Variants in APOC1 observed in about 807,000 individuals in gnomAD.
APOC1 encodes apolipoprotein C-I.
A neutral mutation model predicts 6.7 loss-of-function variants in APOC1; 4 were observed. The observed-to-expected ratio is 0.60, with a 90% confidence interval of 0.29 to 1.37. The LOEUF (loss-of-function observed/expected upper bound fraction) is 1.37. APOC1 is among the 40% of genes most tolerant of loss of function. APOC1 has a pLI of 0.09. For synonymous variants in APOC1, 33 were observed against 40.6 expected, an observed-to-expected ratio of 0.81 and a Z score of 0.72; for missense variants, 122 against 99.4, an observed-to-expected ratio of 1.23 and a Z score of -0.97.
At chr19:44,918,337 CTTTTTTT>C (rs1200008263) in intron 3 of APOC1, among the ~76,000 whole-genome samples, 2 of 90,332 alleles carry the variant, frequency 2.2e-5, no homozygotes, top group Non-Finnish European at 4.0e-5. Flanking sequence ...TGAAGTGTTT[CTTTTTTT>C]TTTTTTTTTT....
chr19:44,916,223 C>G lies in APOC1; in HGVS notation c.92C>G (p.Ser31Cys). ...PAPAQGTPDV[S>C]SALDKLKEFG... ...CCAGCCCAGGGGACCCCAGACGTCT[C>G]CAGTGCCTTGGATAAGCTGAAGGAG... Residue 31 changes from serine to cysteine, a missense_variant, in exon 3 of 4, where the codon TCC becomes TGC. Coordinates refer to ENST00000592535, the MANE Select transcript of APOC1 (RefSeq NM_001645.5). 6.2e-7 allele frequency: 1 copy of G among 1,613,200 alleles called. No individual in the cohort carries two copies. Among genetic ancestry groups the G allele is most frequent in the Non-Finnish European group, 8.5e-7 (1 of 1,179,790 alleles).
chr19:44,916,141 A>AAAAAAAAC (rs757685130), intron 2 of APOC1, 49 bp from the exon 3 acceptor site: 7 of 1,407,470 alleles, frequency 5.0e-6, no homozygotes, highest in East Asian at 5.3e-5. Flanking sequence ...CATCTCCAAA[A>AAAAAAAAC]AAAAAAAAAA....
At chr19:44,915,545 GCCTCGACCTC>G (rs1220971659) in intron 2 of APOC1, among the ~76,000 whole-genome samples, 1 of 150,918 alleles carries the variant, frequency 6.6e-6, no homozygotes, top group Non-Finnish European at 1.5e-5. Flanking sequence ...TGATCCGCCT[GCCTCGACCTC>G]CCAAAGTGCT....
intron 2 of APOC1, 102 bp downstream of exon 2, chr19:44,915,051 C>T (rs1386118872): frequency 6.7e-6 from 9 of 1,343,512 alleles, no homozygotes; most frequent in Non-Finnish European, 8.4e-6. Context: ...AGCTCCGGGG[C>T]CCCTTCTGGG....
chr19:44,915,074 C>T (rs1360935032), intron 2 of APOC1, 125 bp downstream of exon 2: 1 of 1,053,580 alleles, frequency 9.5e-7, no homozygotes, highest in South Asian at 1.4e-5. Flanking sequence ...GTGGTTGCCT[C>T]ATCGTGGTCG....
In APOC1 at chr19:44,915,086, G is replaced by A. The variant is rs780811392; in HGVS notation, c.58+137G>A. 9.9e-6 allele frequency: 9 copies of A among 909,914 alleles called. No individual in the cohort carries two copies. The South Asian group carries it at 1.2e-4, about 12-fold the overall frequency. The allele number at this position is 909,914 out of a possible 1,614,324, so 56.4% of individuals were successfully genotyped here. ...GTCGTGGTTGCCTCATCGTGGTCGG[G>A]TGGGTCTCCAGGTTCTCCCAGGCTC... On this transcript the variant is annotated intron_variant, in intron 2 of 3. Transcript: ENST00000592535.
intron 2 of APOC1, among the ~76,000 whole-genome samples, chr19:44,915,475 T>C (rs1171371130): frequency 2.6e-5 from 4 of 151,226 alleles, no homozygotes; most frequent in Non-Finnish European, 5.9e-5. Flanking sequence ...CGCGCCCGGC[T>C]AATTTTTTGT....
At chr19:44,917,508 A>T (rs574925461) in intron 3 of APOC1, among the ~76,000 whole-genome samples, 20 of 152,008 alleles carry the variant, frequency 1.3e-4, no homozygotes, top group African/African-American at 4.8e-4. Context: ...AGCCCAGGAG[A>T]TCTAGGCTGC....
intron 3 of APOC1, among the ~76,000 whole-genome samples, chr19:44,916,849 C>T (rs992565334): frequency 6.9e-6 from 1 of 144,900 alleles, no homozygotes; most frequent in East Asian, 2.0e-4. Flanking sequence ...GATGGTCTTG[C>T]CCAGGTATGG....
chr19:44,914,926 T>C lies in APOC1; in HGVS notation c.35T>C (p.Val12Ala). The change falls in exon 2 of 4, where the codon GTG becomes GCG. Residue 12 changes from valine to alanine, a missense_variant. Transcript: ENST00000592535. ...RLFLSLPVLV[V>A]VLSIVLEGPA... ...TTCCTGTCGCTCCCGGTCCTGGTGG[T>C]GGTTCTGTCGATCGTCTTGGAAGGT... The C allele has an allele frequency of 6.2e-7, 1 of 1,613,762 alleles. No homozygotes were observed. The highest frequency in any genetic ancestry group is 1.1e-5 in the South Asian group (1 of 91,052).
chr19:44,914,818 G>A (rs1465945891), intron 1 of APOC1, 54 bp from the exon 2 acceptor site: 5 of 1,450,082 alleles, frequency 3.4e-6, no homozygotes, highest in South Asian at 2.3e-5. Flanking sequence ...TGGGAGGGAG[G>A]TAGGGAGGGA....
Position 44,914,905 on chromosome 19 carries a change from T to C in APOC1, c.14T>C (p.Leu5Pro), listed in dbSNP as rs147697738. 15 of 1,613,834 alleles carry C rather than the reference T, an allele frequency of 9.3e-6. No homozygotes were observed. Among genetic ancestry groups the C allele is most frequent in the Non-Finnish European group, 1.2e-5 (14 of 1,179,838 alleles). The change falls in exon 2 of 4, where the codon CTG (leucine) becomes CCG (proline). Residue 5 changes from leucine (L) to proline (P), a missense_variant. By Grantham distance (98) the Leu-to-Pro change is moderately conservative. Transcript: ENST00000592535. MRLF[L>P]SLPVLVVVLS... ...TCCGGCCTCGCCATGAGGCTCTTCC[T>C]GTCGCTCCCGGTCCTGGTGGTGGTT...
intron 2 of APOC1, 49 bp from the exon 3 acceptor site, chr19:44,916,141 A>AAAAAAAAAAAC: frequency 7.1e-7 from 1 of 1,407,478 alleles, no homozygotes; most frequent in African/African-American, 1.5e-5. Context: ...CATCTCCAAA[A>AAAAAAAAAAAC]AAAAAAAAAA....
In APOC1 at chr19:44,916,227, TGCCTTGGATAA is replaced by T; in HGVS notation, c.99_109del (p.Leu34GlufsTer22). 1.9e-6 allele frequency: 3 copies of T among 1,610,596 alleles called. No homozygotes were observed. The highest frequency in any genetic ancestry group is 2.5e-6 in the Non-Finnish European group (3 of 1,178,718). ...CCCAGGGGACCCCAGACGTCTCCAG[TGCCTTGGATAA>T]GCTGAAGGAGTTTGGAAACACACTG... On this transcript the variant is annotated frameshift_variant, in exon 3 of 4. Coordinates refer to ENST00000592535, the MANE Select transcript of APOC1 (RefSeq NM_001645.5). LOFTEE classifies it high-confidence loss of function.
chr19:44,919,075 C>T (rs912087775), intron 3 of APOC1, 98 bp from the exon 4 acceptor site: 1 of 1,077,422 alleles, frequency 9.3e-7, no homozygotes, highest in East Asian at 2.4e-5. Context: ...GATGGAGATT[C>T]TGCAAGGGGA....
chr19:44,918,332 T>G (rs1599963646), intron 3 of APOC1, among the ~76,000 whole-genome samples: 1 of 130,270 alleles, frequency 7.7e-6, no homozygotes, highest in African/African-American at 2.8e-5. Context: ...CAGGGTGAAG[T>G]GTTTCTTTTT....
chr19:44,916,055 TGAACCCGGGA>T, intron 2 of APOC1, 125 bp from the exon 3 acceptor site: 2 of 1,021,016 alleles, frequency 2.0e-6, no homozygotes, highest in South Asian at 3.7e-5. Context: ...GAGAACTGCT[TGAACCCGGGA>T]GGTGGTGGTT....
rs1418108285 is a variant in APOC1, at chr19:44,916,359, G to T, written c.194+34G>T. 8 of 1,611,036 alleles carry T rather than the reference G, an allele frequency of 5.0e-6. No individual in the cohort carries two copies. The South Asian group carries it at 7.7e-5, about 16-fold the overall frequency. On this transcript the variant is annotated intron_variant, in intron 3 of 3. Transcript: ENST00000592535. ...CCTTCCCAGGGCACGGGAGAGCTGG[G>T]GTGTGTTTTTGGGTGGAGCCCTGGC...
chr19:44,914,588 G>C (rs887877177), upstream of APOC1: 8 of 410,368 alleles, frequency 1.9e-5, no homozygotes, highest in Admixed American at 7.2e-5. Flanking sequence ...GGAGAAAAAC[G>C]TGGGTGGACA....
Sources: allele counts gnomAD v4.1 joint callset (sites outside exome capture counted in the v4.1 genomes callset), GRCh38; gene constraint gnomAD v4.1.1; transcripts MANE v1.5; gene names NCBI Gene and HGNC (gene_info 2026-07-23, HGNC 2026-07-21).